Variants in STK32B observed in about 807,000 individuals in gnomAD.
The protein encoded by STK32B is serine/threonine-protein kinase 32B.
In STK32B, 43 loss-of-function variants were observed where a neutral mutation model predicts 52.6. That is an observed-to-expected ratio of 0.82 (90% confidence interval 0.64 to 1.05). STK32B has a LOEUF of 1.05. Among genes scored for constraint, STK32B ranks in the 50% least tolerant of loss-of-function variants. The probability of loss-of-function intolerance (pLI) is 0.00; values close to 1 mark genes in which losing one functional copy is unlikely to be tolerated. For synonymous variants in STK32B, 238 were observed against 204.3 expected (o/e 1.17, Z -1.41); for missense variants, 621 against 534.6 (o/e 1.16, Z -1.59).
intron 11 of STK32B, among the ~76,000 whole-genome samples, chr4:5,480,100 C>G (rs1718565936): frequency 6.6e-6 from 1 of 152,166 alleles, no homozygotes; most frequent in Admixed American, 6.5e-5. Flanking sequence ...CAGCACTACC[C>G]AATGTTTCCT....
intron 1 of STK32B, among the ~76,000 whole-genome samples, chr4:5,103,466 T>C (rs1382785675): frequency 6.6e-6 from 1 of 152,262 alleles, no homozygotes; most frequent in Admixed American, 6.5e-5. Context: ...TTATGTTTAC[T>C]CATATGATGC....
intron 6 of STK32B, among the ~76,000 whole-genome samples, chr4:5,419,129 G>GA (rs1210090734): frequency 6.6e-6 from 1 of 152,206 alleles, no homozygotes; most frequent in Non-Finnish European, 1.5e-5. Flanking sequence ...TCCAGCAAGA[G>GA]AGAGGGGTAG....
chr4:5,364,789 C>G (rs923712899), intron 4 of STK32B, among the ~76,000 whole-genome samples: 6 of 152,206 alleles, frequency 3.9e-5, no homozygotes, highest in African/African-American at 1.4e-4. Context: ...CATATACCTT[C>G]AGGCCTCCAT....
intron 3 of STK32B, among the ~76,000 whole-genome samples, chr4:5,289,742 A>G (rs1004849593): frequency 2.4e-5 from 3 of 122,818 alleles, no homozygotes; most frequent in African/African-American, 9.2e-5. Flanking sequence ...ATGGGGTTTC[A>G]CCATGTTAGC....
intron 2 of STK32B, among the ~76,000 whole-genome samples, chr4:5,155,435 A>G (rs1031213570): frequency 6.6e-6 from 1 of 152,174 alleles, no homozygotes; most frequent in Non-Finnish European, 1.5e-5. Context: ...GTATACATGC[A>G]CACACACACT....
At chr4:5,466,659 G>T in intron 9 of STK32B, 44 bp from the exon 10 acceptor site, 1 of 1,570,414 alleles carries the variant, frequency 6.4e-7, no homozygotes, top group Non-Finnish European at 8.6e-7. Context: ...TCAGTGATGG[G>T]TGGAACGCAG....
upstream of STK32B, among the ~76,000 whole-genome samples, chr4:5,051,021 A>G (rs1285668717): frequency 6.6e-6 from 1 of 152,186 alleles, no homozygotes; most frequent in Non-Finnish European, 1.5e-5. Flanking sequence ...GAAAGTAAAC[A>G]GATACTTTCA....
rs979670517 is a variant in STK32B at position 5,470,246 on chromosome 4, A to C, written c.1106+2176A>C. Among the ~76,000 whole-genome samples the C allele has an allele frequency of 6.6e-6, 1 of 152,174 alleles. No individual in the cohort carries two copies. The highest frequency in any genetic ancestry group is 1.5e-5 in the Non-Finnish European group (1 of 68,044). The stretch of plus-strand genomic sequence containing the variant: ...TTTTCTTCCTCACGTGTAAATGGGA[A>C]TTGATGAGGGAAATGCAGTTGGCCT... On this transcript the variant is annotated intron_variant, in intron 11 of 11. Transcript: ENST00000282908. The surrounding 1 kb of genome is among the most constrained non-coding windows in gnomAD (Gnocchi z 4.6).
chr4:5,339,411 C>T (rs183622380), intron 4 of STK32B, among the ~76,000 whole-genome samples: 2 of 152,276 alleles, frequency 1.3e-5, no homozygotes, highest in Non-Finnish European at 2.9e-5. Context: ...GCGTTTTTTA[C>T]CTCCTTTCTT....
chr4:5,493,556 G>A (rs986626202), intron 11 of STK32B, among the ~76,000 whole-genome samples: 13 of 151,982 alleles, frequency 8.6e-5, no homozygotes, highest in Non-Finnish European at 1.5e-4. Context: ...TTTTTGAAGG[G>A]TTTTTTTGTG....
chr4:5,168,499 C>T, intron 3 of STK32B, 49 bp downstream of exon 3: 4 of 1,556,564 alleles, frequency 2.6e-6, no homozygotes, highest in East Asian at 4.6e-5. Context: ...TGTGGGGAGC[C>T]AAATGCAAAT....
chr4:5,341,008 A>G (rs558162073), intron 4 of STK32B, among the ~76,000 whole-genome samples: 1 of 152,346 alleles, frequency 6.6e-6, no homozygotes, highest in South Asian at 2.1e-4. Flanking sequence ...CTGGCTTTGA[A>G]ACAAGGCGTT....
At chr4:5,186,959 G>A (rs528261127) in intron 3 of STK32B, among the ~76,000 whole-genome samples, 11 of 152,312 alleles carry the variant, frequency 7.2e-5, no homozygotes, top group East Asian at 5.8e-4. Flanking sequence ...GCACCTGCCC[G>A]CACTCCGACA....
chr4:5,461,783 T>G (rs1717045912), intron 9 of STK32B, among the ~76,000 whole-genome samples: 1 of 152,218 alleles, frequency 6.6e-6, no homozygotes, highest in African/African-American at 2.4e-5. Flanking sequence ...CCTGGCCATG[T>G]GCCGTTCCCA....
chr4:5,228,554 T>G (rs1202789953), intron 3 of STK32B, among the ~76,000 whole-genome samples: 1 of 152,206 alleles, frequency 6.6e-6, no homozygotes, highest in African/African-American at 2.4e-5. Context: ...TCTTGTTTTT[T>G]CTGTATTTAA....
intron 3 of STK32B, among the ~76,000 whole-genome samples, chr4:5,243,151 C>A (rs1042651281): frequency 6.6e-6 from 1 of 152,158 alleles, no homozygotes; most frequent in African/African-American, 2.4e-5. Flanking sequence ...GGCATTGAAT[C>A]TATAAATTAC....
chr4:5,390,476 T>C (rs561362733), intron 4 of STK32B, among the ~76,000 whole-genome samples: 3 of 152,198 alleles, frequency 2.0e-5, no homozygotes, highest in East Asian at 3.8e-4. Flanking sequence ...TCAGCCCTTA[T>C]GTAAGGTCTT....
intron 1 of STK32B, among the ~76,000 whole-genome samples, chr4:5,073,093 T>A (rs545626343): frequency 1.0e-3 from 157 of 152,050 alleles, no homozygotes; most frequent in Non-Finnish European, 2.0e-3. Flanking sequence ...GGGTCTGCCT[T>A]TTGTATTTTG....
intron 1 of STK32B, among the ~76,000 whole-genome samples, chr4:5,084,760 A>G (rs1196932333): frequency 6.6e-6 from 1 of 152,206 alleles, no homozygotes; most frequent in East Asian, 1.9e-4. Context: ...TAGTTTTTGT[A>G]TGGTTTCATA....
Sources: gnomAD v4.1 joint callset for allele counts (sites outside exome capture counted in the v4.1 genomes callset) on GRCh38, gnomAD v4.1.1 for gene constraint, Gnocchi (gnomAD v3.1) non-coding constraint, MANE v1.5 for transcripts, NCBI Gene and HGNC (gene_info 2026-07-23, HGNC 2026-07-21) for gene names.